The following FLVCR1 variants were observed in gnomAD, a reference collection of about 807,000 sequenced individuals.
FLVCR1 encodes the protein FLVCR choline and heme transporter 1.
A neutral mutation model predicts 53.6 loss-of-function variants in FLVCR1; 34 were observed. The ratio of observed to expected loss-of-function variants is 0.63; its 90% CI spans 0.48 to 0.84. FLVCR1 has a LOEUF of 0.84. Ranked by LOEUF, FLVCR1 falls within the 40% of genes least tolerant of loss-of-function variation. The probability of loss-of-function intolerance (pLI) is 0.00; values close to 1 mark genes in which losing one functional copy is unlikely to be tolerated. For synonymous variants in FLVCR1, 300 were observed against 286.3 expected (o/e 1.05, Z -0.48); for missense variants, 677 against 696.7 (o/e 0.97, Z 0.32).
chr1:212,896,330 G>A lies in FLVCR1; in HGVS notation c.*1040G>A, dbSNP rs1335236682. Reference sequence around the variant, plus strand: ...TCTTGAATGCTATTTGAATTCTGCAGTATCATTTTTATGACCATTCTCCTT... The same window carrying A: ...TCTTGAATGCTATTTGAATTCTGCAATATCATTTTTATGACCATTCTCCTT... On this transcript the variant is annotated 3_prime_UTR_variant, in exon 10 of 10. Transcript: ENST00000366971. The A allele has an allele frequency of 6.6e-6, 1 of 152,126 alleles. No homozygotes were observed. The highest frequency in any genetic ancestry group is 1.9e-4 in the East Asian group (1 of 5,202). 9.4% of individuals were successfully genotyped at this position (152,126 alleles called of 1,614,324 possible).
intron 2 of FLVCR1, among the ~76,000 whole-genome samples, chr1:212,865,897 T>C (rs9787016): frequency 0.06 from 3,493 of 57,992 alleles, 335 homozygotes; most frequent in Non-Finnish European, 0.09. Context: ...CTCACTGCAA[T>C]CTCTGCCTCC....
chr1:212,883,561 T>G, intron 4 of FLVCR1, 123 bp downstream of exon 4: 1 of 647,552 alleles, frequency 1.5e-6, no homozygotes, highest in Non-Finnish European at 2.8e-6. Flanking sequence ...TATTTACATT[T>G]GTTTTAATTG....
intron 9 of FLVCR1, 70 bp downstream of exon 9, chr1:212,895,123 A>C: frequency 2.9e-6 from 4 of 1,367,406 alleles, no homozygotes; most frequent in Non-Finnish European, 4.2e-6. Flanking sequence ...ATATTTTTTT[A>C]TTTAGCTATT....
intron 3 of FLVCR1, among the ~76,000 whole-genome samples, chr1:212,879,403 T>G (rs1487613528): frequency 6.6e-6 from 1 of 152,124 alleles, no homozygotes; most frequent in Non-Finnish European, 1.5e-5. Context: ...TAATATGATA[T>G]ATATAAGCTT....
chr1:212,895,177 A>C (rs377534662), intron 9 of FLVCR1, 39 bp from the exon 10 acceptor site: 4 of 1,500,480 alleles, frequency 2.7e-6, no homozygotes, highest in Non-Finnish European at 3.7e-6. Context: ...AGGATATGCC[A>C]GATGCTATAC....
chr1:212,887,107 G>C (rs139941057), intron 5 of FLVCR1, among the ~76,000 whole-genome samples: 1 of 152,140 alleles, frequency 6.6e-6, no homozygotes, highest in Admixed American at 6.6e-5. Context: ...GCTACCAAAA[G>C]TATCTCTAAT....
At chr1:212,871,180 G>A (rs1242112479) in intron 2 of FLVCR1, among the ~76,000 whole-genome samples, 2 of 152,126 alleles carry the variant, frequency 1.3e-5, no homozygotes, top group Admixed American at 1.3e-4. Context: ...AACATTTGTG[G>A]TAATTGAGAT....
chr1:212,860,349 G>GT (rs1436823234), intron 1 of FLVCR1, among the ~76,000 whole-genome samples: 3 of 56,678 alleles, frequency 5.3e-5, no homozygotes, highest in Non-Finnish European at 4.7e-5. Flanking sequence ...TTGTGTGTGT[G>GT]GTTTTTTTTT....
chr1:212,871,574 G>T (rs969192492), intron 2 of FLVCR1, among the ~76,000 whole-genome samples: 1 of 152,084 alleles, frequency 6.6e-6, no homozygotes, highest in Admixed American at 6.6e-5. Flanking sequence ...ATGCTGCCAT[G>T]CATAGCTAGT....
At position 212,870,405 on chromosome 1, in the gene FLVCR1, C is replaced by G. The variant is rs58860298; in HGVS notation, c.884-2273C>G. On this transcript the variant is annotated intron_variant, in intron 2 of 9. Coordinates refer to ENST00000366971, the MANE Select transcript of FLVCR1 (RefSeq NM_014053.4). ...TTTCTTACTTTCCCAGTGATTGTTT[C>G]TCCCTGGCTGGTTTTCAAAAGCATT... 5.1e-3 allele frequency among the ~76,000 whole-genome samples: 784 copies of G among 152,262 alleles called. 4 individuals carry two copies. The highest frequency in any genetic ancestry group is 0.018 in the African/African-American group (745 of 41,558).
At chr1:212,866,578 T>C (rs916058837) in intron 2 of FLVCR1, among the ~76,000 whole-genome samples, 3 of 152,110 alleles carry the variant, frequency 2.0e-5, no homozygotes, top group African/African-American at 7.2e-5. Flanking sequence ...GTGATGTGTG[T>C]ATGTTTAAAC....
chr1:212,866,398 G>C (rs1664431484), intron 2 of FLVCR1, among the ~76,000 whole-genome samples: 1 of 151,956 alleles, frequency 6.6e-6, no homozygotes, highest in Non-Finnish European at 1.5e-5. Flanking sequence ...TGGGATTACT[G>C]GTGTGAGCCA....
At chr1:212,888,694 T>TTC in intron 7 of FLVCR1, 100 bp downstream of exon 7, 1 of 987,260 alleles carries the variant, frequency 1.0e-6, no homozygotes, top group Non-Finnish European at 1.6e-6. Flanking sequence ...GTTGTTGTTT[T>TTC]GTTTTTTGGA....
chr1:212,864,138 T>C (rs1306996927), intron 2 of FLVCR1, among the ~76,000 whole-genome samples: 2 of 152,220 alleles, frequency 1.3e-5, no homozygotes, highest in African/African-American at 2.4e-5. Flanking sequence ...TCAAATATAT[T>C]ACCTGCCTCC....
At chr1:212,891,855 G>T (rs1211366530) in intron 8 of FLVCR1, among the ~76,000 whole-genome samples, 3 of 152,192 alleles carry the variant, frequency 2.0e-5, no homozygotes, top group African/African-American at 7.2e-5. Context: ...TAATGCAAAG[G>T]AAAAATTCTT....
intron 3 of FLVCR1, among the ~76,000 whole-genome samples, chr1:212,877,373 C>T (rs1259208080): frequency 1.3e-5 from 2 of 152,048 alleles, no homozygotes; most frequent in East Asian, 1.9e-4. Context: ...CCACCACGCC[C>T]AGCTAATTTT....
intron 5 of FLVCR1, among the ~76,000 whole-genome samples, chr1:212,886,232 A>G (rs1665062278): frequency 6.6e-6 from 1 of 151,312 alleles, no homozygotes; most frequent in African/African-American, 2.4e-5. Flanking sequence ...TGATAGAGAC[A>G]GTGTTTCACC....
rs1050606191 is a variant in FLVCR1, at chr1:212,874,518, CT to C, written c.1024+1707del. On this transcript the variant is annotated intron_variant, in intron 3 of 9. Coordinates refer to ENST00000366971, the MANE Select transcript of FLVCR1 (RefSeq NM_014053.4). ...TTTCTTTTGCCTGTCATTTAATTTT[CT>C]TTTTTTCTTTTTTTTTTTTTTTTTT... Among the ~76,000 whole-genome samples the C allele has an allele frequency of 1.4e-3, 107 of 74,554 alleles. 3 individuals carry two copies. The South Asian group carries it at 0.043, about 30-fold the overall frequency. The allele number at this position is 74,554 out of a possible 152,430, so 48.9% of individuals were successfully genotyped here. A position where few individuals can be genotyped will look rare whatever the true frequency, so the allele number is the denominator to read the frequency against.
chr1:212,868,718 A>G (rs1211842766), intron 2 of FLVCR1, among the ~76,000 whole-genome samples: 1 of 152,154 alleles, frequency 6.6e-6, no homozygotes, highest in African/African-American at 2.4e-5. Flanking sequence ...CCGGCTGCAT[A>G]CTCTTAACAG....
Sources: allele counts gnomAD v4.1 joint callset (sites outside exome capture counted in the v4.1 genomes callset), GRCh38; gene constraint gnomAD v4.1.1; transcripts MANE v1.5; gene names NCBI Gene and HGNC (gene_info 2026-07-23, HGNC 2026-07-21).